MACROD2: variants seen among roughly 807,000 people sequenced by gnomAD.
The protein encoded by MACROD2 is mono-ADP ribosylhydrolase 2, also known as ADP-ribose glycohydrolase MACROD2.
In MACROD2, 36 loss-of-function variants were observed where a neutral mutation model predicts 70.4. The observed-to-expected ratio is 0.51, with a 90% confidence interval of 0.39 to 0.68. The LOEUF is 0.68. Among genes scored for constraint, MACROD2 ranks in the 30% least tolerant of loss-of-function variants. The pLI is 0.00. For missense variants in MACROD2, 496 were observed against 538.4 expected, an observed-to-expected ratio of 0.92 and a Z score of 0.78; for synonymous variants, 172 against 178.8, an observed-to-expected ratio of 0.96 and a Z score of 0.30.
chr20:15,774,326 G>A (rs1455807377), intron 8 of MACROD2, among the ~76,000 whole-genome samples: 1 of 152,164 alleles, frequency 6.6e-6, no homozygotes, highest in Non-Finnish European at 1.5e-5. Flanking sequence ...ATGCTCCCCT[G>A]TAGTGGGAGC....
At chr20:14,654,758 C>T (rs1438728070) in intron 4 of MACROD2, among the ~76,000 whole-genome samples, 1 of 151,996 alleles carries the variant, frequency 6.6e-6, no homozygotes, top group Middle Eastern at 3.2e-3. Flanking sequence ...TATTAGTTTC[C>T]GACAGCACTG....
chr20:15,571,420 T>C (rs891112241), intron 8 of MACROD2, among the ~76,000 whole-genome samples: 7 of 73,522 alleles, frequency 9.5e-5, no homozygotes, highest in Non-Finnish European at 3.0e-4. Context: ...GCAGTTTCCC[T>C]GTTTTTTCTT....
rs2047420700 is a variant in MACROD2, at chr20:15,505,947, T to C, written c.645+6100T>C. Among the ~76,000 whole-genome samples the C allele has an allele frequency of 2.0e-5, 3 of 152,226 alleles. No individual in the cohort carries two copies. In the South Asian group the frequency reaches 6.2e-4, roughly 32 times the overall value. ...AAATATCATCTACTTGTCATTTAAATAGTTTACTCTGTGCCTTCGGAGGGA... is the reference window on the plus strand; with the variant it reads ...AAATATCATCTACTTGTCATTTAAACAGTTTACTCTGTGCCTTCGGAGGGA... On this transcript the variant is annotated intron_variant, in intron 8 of 17. Transcript: ENST00000684519.
In MACROD2 at chr20:15,389,013, G is replaced by A. The variant is rs188517714; in HGVS notation, c.541-42392G>A. On this transcript the variant is annotated intron_variant, in intron 6 of 17. Transcript: ENST00000684519. ...CAAAGAATTTAGGAGTCAGGAGGGT[G>A]AAAAACGTCCATTGATCTTAGCCAC... Among the ~76,000 whole-genome samples, 567 of 152,282 alleles carry A rather than the reference G, an allele frequency of 3.7e-3. 4 individuals carry two copies. Among genetic ancestry groups the A allele is most frequent in the Middle Eastern group, 0.014 (4 of 294 alleles).
intron 5 of MACROD2, among the ~76,000 whole-genome samples, chr20:14,934,516 G>A (rs1568884801): frequency 6.6e-6 from 1 of 152,304 alleles, no homozygotes; most frequent in Non-Finnish European, 1.5e-5. Flanking sequence ...GCTGGATATG[G>A]TGGGTCATGC....
chr20:15,987,194 A>T (rs768002655), intron 15 of MACROD2, 36 bp downstream of exon 15: 1 of 1,508,906 alleles, frequency 6.6e-7, no homozygotes, highest in African/African-American at 1.4e-5. Context: ...TCAAGAATGG[A>T]GAGTTTCTTT....
intron 4 of MACROD2, among the ~76,000 whole-genome samples, chr20:14,546,675 C>T (rs2085494463): frequency 6.6e-6 from 1 of 152,132 alleles, no homozygotes; most frequent in East Asian, 1.9e-4. Context: ...TCCCAACTTT[C>T]CCTTCCTTTG....
At chr20:14,777,083 G>A (rs1361829929) in intron 5 of MACROD2, among the ~76,000 whole-genome samples, 1 of 151,926 alleles carries the variant, frequency 6.6e-6, no homozygotes, top group Non-Finnish European at 1.5e-5. Context: ...CATTTGATTA[G>A]CTTCCAGTTT....
At chr20:14,226,761 C>T (rs1441866896) in intron 3 of MACROD2, among the ~76,000 whole-genome samples, 1 of 152,250 alleles carries the variant, frequency 6.6e-6, no homozygotes, top group Non-Finnish European at 1.5e-5. Flanking sequence ...GGGCTCGGGA[C>T]CTGCAGCCCG....
chr20:14,519,979 C>T (rs2085146878), intron 4 of MACROD2, among the ~76,000 whole-genome samples: 1 of 152,020 alleles, frequency 6.6e-6, no homozygotes. Flanking sequence ...AACCGAATAC[C>T]ACATGTTTTC....
intron 5 of MACROD2, among the ~76,000 whole-genome samples, chr20:14,963,590 GC>G (rs1352829595): frequency 6.6e-6 from 1 of 152,116 alleles, no homozygotes; most frequent in Non-Finnish European, 1.5e-5. Flanking sequence ...CACATTCCCT[GC>G]CGGTGGTGGG....
intron 3 of MACROD2, among the ~76,000 whole-genome samples, chr20:14,095,677 A>C (rs1011154930): frequency 6.6e-6 from 1 of 152,194 alleles, no homozygotes; most frequent in Non-Finnish European, 1.5e-5. Flanking sequence ...AACACTATCA[A>C]CCAATATGTG....
chr20:14,692,341 CT>C (rs755545127), intron 5 of MACROD2, among the ~76,000 whole-genome samples: 2 of 152,254 alleles, frequency 1.3e-5, no homozygotes, highest in Non-Finnish European at 2.9e-5. Flanking sequence ...CAGATTAGGG[CT>C]TTTTTTGAAG....
chr20:15,399,675 G>A (rs1461898735), intron 6 of MACROD2, among the ~76,000 whole-genome samples: 1 of 152,222 alleles, frequency 6.6e-6, no homozygotes, highest in African/African-American at 2.4e-5. Context: ...GAAAGAAAGA[G>A]TATTAGTAGT....
intron 3 of MACROD2, among the ~76,000 whole-genome samples, chr20:14,375,274 T>G (rs1269377875): frequency 6.6e-6 from 1 of 152,148 alleles, no homozygotes; most frequent in Non-Finnish European, 1.5e-5. Flanking sequence ...AAAATATATT[T>G]AAGCAAAAAC....
chr20:14,154,193 G>A (rs1346192113), intron 3 of MACROD2, among the ~76,000 whole-genome samples: 1 of 152,054 alleles, frequency 6.6e-6, no homozygotes, highest in African/African-American at 2.4e-5. Flanking sequence ...TTTAACTGAT[G>A]TCATCAGTAT....
At chr20:14,542,476 G>A (rs2085446354) in intron 4 of MACROD2, among the ~76,000 whole-genome samples, 1 of 152,096 alleles carries the variant, frequency 6.6e-6, no homozygotes. Flanking sequence ...ATGTACTGAA[G>A]GAGTTTGGGT....
At chr20:14,275,444 C>G (rs1221059485) in intron 3 of MACROD2, among the ~76,000 whole-genome samples, 4 of 151,828 alleles carry the variant, frequency 2.6e-5, no homozygotes, top group African/African-American at 9.7e-5. Flanking sequence ...AAAGCTGAAA[C>G]TGGATCCCTT....
chr20:15,655,652 C>T (rs1375615556), intron 8 of MACROD2, among the ~76,000 whole-genome samples: 1 of 152,200 alleles, frequency 6.6e-6, no homozygotes, highest in African/African-American at 2.4e-5. Flanking sequence ...AACATTATTT[C>T]GAATGATGTA....
Sources: allele counts gnomAD v4.1 joint callset (sites outside exome capture counted in the v4.1 genomes callset), GRCh38; gene constraint gnomAD v4.1.1; transcripts MANE v1.5; gene names NCBI Gene and HGNC (gene_info 2026-07-23, HGNC 2026-07-21).